Variants in ELMO1 observed in about 807,000 individuals in gnomAD.
ELMO1 encodes engulfment and cell motility protein 1.
Under a neutral mutation model 98.9 loss-of-function variants are expected in ELMO1, and 26 were observed. That is an observed-to-expected ratio of 0.26 (90% confidence interval 0.19 to 0.36). The LOEUF (loss-of-function observed/expected upper bound fraction) is 0.36. ELMO1 is among the 10% of genes least tolerant of loss of function. The pLI, the probability that ELMO1 is intolerant of heterozygous loss-of-function variation, is 1.00. For missense variants in ELMO1, 627 were observed against 935.2 expected (o/e 0.67, Z 4.30); for synonymous variants, 346 against 346.0 (o/e 1.00, Z 0.00).
At chr7:37,200,436 A>C (rs1044141814) in intron 13 of ELMO1, among the ~76,000 whole-genome samples, 4 of 152,010 alleles carry the variant, frequency 2.6e-5, no homozygotes, top group Admixed American at 6.6e-5. Flanking sequence ...AAGACAGTGC[A>C]TGCCATTCTC....
intron 13 of ELMO1, among the ~76,000 whole-genome samples, chr7:37,138,104 G>A (rs1416698927): frequency 6.6e-6 from 1 of 152,090 alleles, no homozygotes; most frequent in Non-Finnish European, 1.5e-5. Context: ...AAGTTCATAG[G>A]ATTAAATGCC....
At chr7:37,088,934 G>C (rs971293429) in intron 15 of ELMO1, among the ~76,000 whole-genome samples, 9 of 152,260 alleles carry the variant, frequency 5.9e-5, no homozygotes, top group African/African-American at 1.9e-4. Context: ...TGAAAATTCA[G>C]GGCAGAATCA....
chr7:37,039,541 T>C (rs989639680), intron 15 of ELMO1, among the ~76,000 whole-genome samples: 1 of 152,236 alleles, frequency 6.6e-6, no homozygotes, highest in African/African-American at 2.4e-5. Context: ...GAGGGCAGTT[T>C]GGACTTTTCT....
intron 16 of ELMO1, among the ~76,000 whole-genome samples, chr7:36,906,952 A>C (rs1364705308): frequency 1.3e-5 from 2 of 152,148 alleles, no homozygotes; most frequent in East Asian, 3.9e-4. Flanking sequence ...TTTAACAACA[A>C]TATATCTCAG....
chr7:36,905,863 A>T (rs1381512438), intron 16 of ELMO1, among the ~76,000 whole-genome samples: 1 of 152,258 alleles, frequency 6.6e-6, no homozygotes, highest in Non-Finnish European at 1.5e-5. Flanking sequence ...CTCCTCTAAG[A>T]TTAGTTACTA....
intron 15 of ELMO1, among the ~76,000 whole-genome samples, chr7:37,031,296 G>A (rs1584539613): frequency 6.6e-6 from 1 of 152,092 alleles, no homozygotes; most frequent in Non-Finnish European, 1.5e-5. Context: ...GACTCGCCCT[G>A]AATGAGATGG....
chr7:37,431,652 T>C (rs1008545896), intron 1 of ELMO1, among the ~76,000 whole-genome samples: 2 of 152,200 alleles, frequency 1.3e-5, no homozygotes, highest in Admixed American at 1.3e-4. Context: ...CAGAAATGTA[T>C]TCTGTTAATC....
intron 7 of ELMO1, among the ~76,000 whole-genome samples, chr7:37,236,363 A>G (rs1794459919): frequency 6.6e-6 from 1 of 152,220 alleles, no homozygotes; most frequent in Non-Finnish European, 1.5e-5. Flanking sequence ...GACTGCAAAT[A>G]GAGCTATATG....
intron 1 of ELMO1, among the ~76,000 whole-genome samples, chr7:37,346,090 C>T (rs1271650201): frequency 6.6e-6 from 1 of 152,068 alleles, no homozygotes; most frequent in Admixed American, 6.5e-5. Flanking sequence ...GTGCGAAGGC[C>T]CCAAGGCAGG....
intron 13 of ELMO1, among the ~76,000 whole-genome samples, chr7:37,192,933 A>T (rs940890002): frequency 2.8e-5 from 4 of 144,562 alleles, no homozygotes; most frequent in East Asian, 2.0e-4. Flanking sequence ...TATATAATTT[A>T]TATATAGATA....
intron 7 of ELMO1, among the ~76,000 whole-genome samples, chr7:37,237,790 C>CA (rs1413033587): frequency 6.6e-6 from 1 of 152,172 alleles, no homozygotes; most frequent in East Asian, 1.9e-4. Flanking sequence ...CCTATAGACA[C>CA]ACCCCTTACC....
At chr7:37,089,900 G>A (rs1239274771) in intron 15 of ELMO1, among the ~76,000 whole-genome samples, 2 of 152,120 alleles carry the variant, frequency 1.3e-5, no homozygotes, top group African/African-American at 4.8e-5. Flanking sequence ...ATGGGTAATG[G>A]GTAATGGCTA....
chr7:37,430,495 G>A lies in ELMO1; in HGVS notation c.-74+18180C>T, dbSNP rs777209383. Among the ~76,000 whole-genome samples, 9 of 152,182 alleles carry A rather than the reference G, an allele frequency of 5.9e-5. No individual in the cohort carries two copies. In the East Asian group the frequency reaches 7.7e-4, roughly 13 times the overall value. On this transcript the variant is annotated intron_variant, in intron 1 of 21. Transcript: ENST00000310758. Reference sequence around the variant, plus strand: ...AGACAGACCTTATTTTCTCTGAACCGACCAAAAACCAAAATCCAGAAATCA... The same window carrying A: ...AGACAGACCTTATTTTCTCTGAACCAACCAAAAACCAAAATCCAGAAATCA...
intron 4 of ELMO1, among the ~76,000 whole-genome samples, chr7:37,281,157 A>G (rs1197056738): frequency 1.3e-5 from 2 of 151,854 alleles, no homozygotes; most frequent in Admixed American, 6.6e-5. Flanking sequence ...GTATGTCCTC[A>G]CTGATATGTG....
intron 13 of ELMO1, among the ~76,000 whole-genome samples, chr7:37,188,199 C>A (rs996964718): frequency 1.3e-5 from 2 of 151,988 alleles, no homozygotes; most frequent in African/African-American, 4.8e-5. Context: ...AATAAATTAG[C>A]TGAGGTTCAA....
At chr7:36,994,814 T>C (rs1031983368) in intron 16 of ELMO1, among the ~76,000 whole-genome samples, 8 of 152,252 alleles carry the variant, frequency 5.3e-5, no homozygotes, top group African/African-American at 1.4e-4. Context: ...TGAGTCTTTC[T>C]TGAATCAAGC....
At chr7:37,417,117 G>C (rs1804251056) in intron 1 of ELMO1, among the ~76,000 whole-genome samples, 2 of 152,188 alleles carry the variant, frequency 1.3e-5, no homozygotes, top group African/African-American at 4.8e-5. Context: ...AGGAAACTGA[G>C]GCACAGAAGT....
chr7:36,897,315 A>T (rs2129056589), intron 16 of ELMO1, among the ~76,000 whole-genome samples: 1 of 15,094 alleles, frequency 6.6e-5, no homozygotes. Context: ...AGTAGGACAA[A>T]GAAAACAGAC....
intron 13 of ELMO1, among the ~76,000 whole-genome samples, chr7:37,206,770 A>AT (rs1001659324): frequency 2.6e-4 from 39 of 152,072 alleles, no homozygotes; most frequent in African/African-American, 9.4e-4. Flanking sequence ...ATATGATGAA[A>AT]TTTTTTTGTA....
Sources: gnomAD v4.1 joint callset for allele counts (sites outside exome capture counted in the v4.1 genomes callset) on GRCh38, gnomAD v4.1.1 for gene constraint, MANE v1.5 for transcripts, NCBI Gene and HGNC (gene_info 2026-07-23, HGNC 2026-07-21) for gene names.